The following CBR1 variants were observed in gnomAD, a reference collection of about 807,000 sequenced individuals.
CBR1 encodes carbonyl reductase [NADPH] 1.
Under a neutral mutation model 10.6 loss-of-function variants are expected in CBR1, and 11 were observed. The observed-to-expected ratio is 1.03, with a 90% CI of 0.65 to 1.71. CBR1 has a LOEUF of 1.71. Among genes scored for constraint, CBR1 ranks in the 40% most tolerant of loss-of-function variants. The pLI is 0.00. For missense variants in CBR1, 361 were observed against 368.6 expected, an observed-to-expected ratio of 0.98 and a Z score of 0.17; for synonymous variants, 158 against 156.7, an observed-to-expected ratio of 1.01 and a Z score of -0.06.
Position 36,072,715 on chromosome 21 carries a change from C to T in CBR1, c.667C>T (p.Leu223=). The part of the protein sequence containing the change: ...SEQRKGDKIL[L]NACCPGWVRT... ...GCAGAGGAAAGGGGACAAGATCCTC[C>T]TGAATGCCTGCTGCCCAGGGTGGGT... Residue 223 remains leucine (L), a synonymous_variant, in exon 3 of 3, where the codon CTG becomes TTG. Transcript: ENST00000290349. 6.2e-7 allele frequency: 1 copy of T among 1,614,136 alleles called. No individual in the cohort carries two copies. The highest frequency in any genetic ancestry group is 8.5e-7 in the Non-Finnish European group (1 of 1,180,026).
Position 36,071,766 on chromosome 21 carries a change from C to T in CBR1, c.398-680C>T, listed in dbSNP as rs117302952. The T allele has an allele frequency of 2.6e-5, 36 of 1,362,056 alleles. No homozygotes were observed. The Admixed American group carries it at 3.0e-4, about 11-fold the overall frequency. 84.4% of individuals were successfully genotyped at this position (1,362,056 alleles called of 1,614,324 possible). On this transcript the variant is annotated intron_variant, in intron 2 of 2. Transcript: ENST00000290349. Reference sequence around the variant, plus strand: ...CTGTCCCTCTGGACAATTGCAAACCCTCACAAGGCACCTCTGGTCTTGAGT... The same window carrying T: ...CTGTCCCTCTGGACAATTGCAAACCTTCACAAGGCACCTCTGGTCTTGAGT...
At chr21:36,070,853 G>GTTTTTGTTTTT (rs1568956922) in intron 1 of CBR1, 97 bp from the exon 2 acceptor site, 6 of 509,432 alleles carry the variant, frequency 1.2e-5, no homozygotes, top group South Asian at 2.3e-5. Context: ...AGGGCACTAA[G>GTTTTTGTTTTT]TTTTTTTTTT....
Position 36,072,786 on chromosome 21 carries a change from A to G in CBR1, c.738A>G (p.Glu246=). Residue 246 remains glutamate, a synonymous_variant, in exon 3 of 3, where the codon GAA becomes GAG. Transcript: ENST00000290349. ...AGPKATKSPE[E]GAETPVYLAL... is the part of the protein sequence containing the mutation. ...CCAAGGCCACCAAGAGCCCAGAAGA[A>G]GGTGCAGAGACCCCTGTGTACTTGG... 6.2e-7 allele frequency: 1 copy of G among 1,614,084 alleles called. No individual in the cohort carries two copies. Among genetic ancestry groups the G allele is most frequent in the Non-Finnish European group, 8.5e-7 (1 of 1,180,014 alleles).
rs759895370 is a variant in CBR1, at chr21:36,072,549, G to A, written c.501G>A (p.Glu167=). The A allele has an allele frequency of 4.8e-5, 77 of 1,600,800 alleles. No individual in the cohort carries two copies. The East Asian group carries it at 1.7e-3, about 34-fold the overall frequency. The change falls in exon 3 of 3, where the codon GAG becomes GAA. Residue 167 remains glutamate, a synonymous_variant. Transcript: ENST00000290349. ...GCAGTGAGACCATCACTGAGGAGGA[G>A]CTGGTGGGGCTCATGAACAAGTTTG... ...KFRSETITEE[E]LVGLMNKFVE... is the part of the protein sequence containing the mutation.
intron 2 of CBR1, 150 bp from the exon 3 acceptor site, chr21:36,072,296 C>T (rs759097808): frequency 6.4e-7 from 1 of 1,556,810 alleles, no homozygotes; most frequent in Non-Finnish European, 8.7e-7. Context: ...ACTACCACCA[C>T]ACTTTCTATG....
chr21:36,071,102 T>TTGGC, intron 2 of CBR1, 45 bp downstream of exon 2: 1 of 1,314,360 alleles, frequency 7.6e-7, no homozygotes, highest in Non-Finnish European at 1.1e-6. Flanking sequence ...GGGGCTTGAT[T>TTGGC]TGGCCCCTGC....
chr21:36,072,198 T>A (rs964554251), intron 2 of CBR1: 1 of 1,550,592 alleles, frequency 6.4e-7, no homozygotes, highest in African/African-American at 1.4e-5. Context: ...AGGCTCTGGT[T>A]CACCAGGACC....
chr21:36,071,373 A>C (rs2156406), intron 2 of CBR1: 1 of 605,148 alleles, frequency 1.7e-6, no homozygotes, highest in African/African-American at 1.9e-5. Flanking sequence ...GTGGGAGTCC[A>C]TCCTGTACCC....
At chr21:36,071,470 C>G in intron 2 of CBR1, 1 of 572,748 alleles carries the variant, frequency 1.7e-6, no homozygotes, top group Non-Finnish European at 3.1e-6. Flanking sequence ...TACCTGTCAC[C>G]TGTCTGAAAC....
chr21:36,070,938 C>G lies in CBR1; in HGVS notation c.290-12C>G, dbSNP rs1484677098. ...ACAATGTATTAACTATGTTCTCTTTCTCTCCTAAAAGTTGCTGATCCCACA... is the reference window on the plus strand; with the variant it reads ...ACAATGTATTAACTATGTTCTCTTTGTCTCCTAAAAGTTGCTGATCCCACA... On this transcript the variant is annotated splice_polypyrimidine_tract_variant and intron_variant, in intron 1 of 2. Coordinates refer to ENST00000290349, the MANE Select transcript of CBR1 (RefSeq NM_001757.4). 2.0e-6 allele frequency: 3 copies of G among 1,520,776 alleles called. No homozygotes were observed. The highest frequency in any genetic ancestry group is 2.7e-6 in the Non-Finnish European group (3 of 1,110,206). The allele number at this position is 1,520,776 out of a possible 1,614,324, so 94.2% of individuals were successfully genotyped here.
In CBR1 at chr21:36,071,728, A is replaced by G. The variant is rs1267785473; in HGVS notation, c.397+671A>G. 12 of 845,726 alleles carry G rather than the reference A, an allele frequency of 1.4e-5. No homozygotes were observed. In the East Asian group the frequency reaches 2.9e-4, roughly 21 times the overall value. 52.4% of individuals were successfully genotyped at this position (845,726 alleles called of 1,614,324 possible). On this transcript the variant is annotated intron_variant, in intron 2 of 2. Coordinates refer to ENST00000290349, the MANE Select transcript of CBR1 (RefSeq NM_001757.4). Reference sequence around the variant, plus strand: ...TGAATCCGTCTCATTGCAGCTCTACAGCAGGCCCTCACCTGTCCCTCTGGA... The same window carrying G: ...TGAATCCGTCTCATTGCAGCTCTACGGCAGGCCCTCACCTGTCCCTCTGGA...
At chr21:36,071,902 C>G (rs142777250) in intron 2 of CBR1, 16 of 1,536,070 alleles carry the variant, frequency 1.0e-5, no homozygotes, top group Non-Finnish European at 1.4e-5. Context: ...ACAGAGATGT[C>G]CATAATCTGC....
chr21:36,071,116 C>A, intron 2 of CBR1, 59 bp downstream of exon 2: 1 of 1,130,752 alleles, frequency 8.8e-7, no homozygotes, highest in Non-Finnish European at 1.4e-6. Context: ...CCCCTGCTTG[C>A]CTGGGATTTC....
intron 2 of CBR1, 149 bp from the exon 3 acceptor site, chr21:36,072,297 A>G (rs2065357605): frequency 6.4e-7 from 1 of 1,557,442 alleles, no homozygotes; most frequent in East Asian, 2.4e-5. Context: ...CTACCACCAC[A>G]CTTTCTATGC....
At position 36,072,415 on chromosome 21, in the gene CBR1, T is replaced by C. The variant is rs139773975; in HGVS notation, c.398-31T>C. The C allele has an allele frequency of 4.2e-4, 674 of 1,614,086 alleles. 3 individuals are homozygous for C. In the East Asian group the frequency reaches 0.013, roughly 32 times the overall value. The stretch of plus-strand genomic sequence containing the variant: ...CCTCTCTACGGGATTGTTGCACACC[T>C]TTCTACATAATGCTTTGTGGTGTAT... On this transcript the variant is annotated intron_variant, in intron 2 of 2. Transcript: ENST00000290349.
chr21:36,071,804 T>C, intron 2 of CBR1: 1 of 1,529,542 alleles, frequency 6.5e-7, no homozygotes, highest in Non-Finnish European at 8.8e-7. Flanking sequence ...TTTCCTCTTT[T>C]CCTTTCCCAG....
Position 36,070,391 on chromosome 21 carries a change from C to T in CBR1, c.276C>T (p.Gly92=), listed in dbSNP as rs766413880. 1.2e-6 allele frequency: 2 copies of T among 1,605,674 alleles called. No homozygotes were observed. Among genetic ancestry groups the T allele is most frequent in the Non-Finnish European group, 1.7e-6 (2 of 1,175,608 alleles). The part of the protein sequence containing the change: ...GGLDVLVNNA[G]IAFKVADPTP... ...TGGACGTGCTGGTCAACAACGCGGG[C>T]ATCGCCTTCAAGGGTATGGGGAGGG... Residue 92 remains glycine, a synonymous_variant, in exon 1 of 3, where the codon GGC becomes GGT. Coordinates refer to ENST00000290349, the MANE Select transcript of CBR1 (RefSeq NM_001757.4).
chr21:36,070,184 C>G lies in CBR1; in HGVS notation c.69C>G (p.Arg23=). ...AGGGCATCGGCTTGGCCATCGTGCG[C>G]GACCTGTGCCGGCTGTTCTCGGGGG... The part of the protein sequence containing the change: ...GNKGIGLAIV[R]DLCRLFSGDV... The change falls in exon 1 of 3, where the codon CGC becomes CGG. Residue 23 remains arginine (R), a synonymous_variant. Transcript: ENST00000290349. The G allele has an allele frequency of 6.2e-7, 1 of 1,600,026 alleles. No homozygotes were observed. The highest frequency in any genetic ancestry group is 1.3e-5 in the African/African-American group (1 of 74,670).
At chr21:36,071,689 C>T (rs1429347225) in intron 2 of CBR1, 1 of 661,630 alleles carries the variant, frequency 1.5e-6, no homozygotes. Context: ...GAGTTGTGCC[C>T]ACTGAGTTCC....
Sources: gnomAD v4.1 joint callset for allele counts on GRCh38, gnomAD v4.1.1 for gene constraint, MANE v1.5 for transcripts, NCBI Gene and HGNC (gene_info 2026-07-23, HGNC 2026-07-21) for gene names.